The following FCAMR variants were observed in gnomAD, a reference collection of about 807,000 sequenced individuals.
The protein encoded by FCAMR is Fc alpha and mu receptor.
FCAMR carries 51 observed loss-of-function variants against 52.2 expected under a neutral mutation model. That is an observed-to-expected ratio of 0.98 (90% CI 0.78 to 1.23). FCAMR has a LOEUF of 1.23. FCAMR is among the 50% of genes most tolerant of loss of function. FCAMR has a pLI of 0.00. For synonymous variants in FCAMR, 282 were observed against 262.0 expected (o/e 1.08, Z -0.74); for missense variants, 719 against 712.6 (o/e 1.01, Z -0.10).
At chr1:206,958,832 T>G in intron 7 of FCAMR, 156 bp from the exon 8 acceptor site, 1 of 913,542 alleles carries the variant, frequency 1.1e-6, no homozygotes, top group South Asian at 1.5e-5. Context: ...GCCTAGCCCA[T>G]GATAGGGCTT....
chr1:206,961,592 T>G (rs1680510236), intron 5 of FCAMR, among the ~76,000 whole-genome samples: 1 of 152,248 alleles, frequency 6.6e-6, no homozygotes, highest in Non-Finnish European at 1.5e-5. Context: ...AGCAGCCCGT[T>G]GCAGCAGGCG....
intron 5 of FCAMR, 62 bp downstream of exon 5, chr1:206,962,151 C>G (rs370955692): frequency 6.5e-7 from 1 of 1,532,720 alleles, no homozygotes. Context: ...AGGCTTCTCT[C>G]CCACTTTCTC....
chr1:206,964,911 C>T (rs1467976428), intron 4 of FCAMR, among the ~76,000 whole-genome samples: 1 of 152,128 alleles, frequency 6.6e-6, no homozygotes, highest in Non-Finnish European at 1.5e-5. Flanking sequence ...AGCCAAGTAC[C>T]TTCTGAGTAT....
At position 206,962,336 on chromosome 1, in the gene FCAMR, G is replaced by A. The variant is rs1680542061; in HGVS notation, c.529C>T (p.Gln177Ter). 6.2e-7 allele frequency: 1 copy of A among 1,614,224 alleles called. No individual in the cohort carries two copies. Among genetic ancestry groups the A allele is most frequent in the East Asian group, 2.2e-5 (1 of 44,884 alleles). ...AGCCTCACCACAAACAAGCCTCTCT[G>A]TGGAAAGTCTGTGAGGGCCACACGG... ...RDRVALTDFP[Q>*]RGLFVVRLSQ... is the part of the protein sequence containing the mutation. Residue 177 changes from glutamine (Q) to a stop codon, truncating the protein, a stop_gained, in exon 5 of 8, where the codon CAG becomes TAG. Coordinates refer to ENST00000324852, the MANE Select transcript of FCAMR (RefSeq NM_001170631.2). LOFTEE classifies it high-confidence loss of function.
intron 7 of FCAMR, 41 bp from the exon 8 acceptor site, chr1:206,958,717 G>A (rs968857827): frequency 6.2e-7 from 1 of 1,613,148 alleles, no homozygotes; most frequent in Non-Finnish European, 8.5e-7. Context: ...TCTGGGTAAG[G>A]ACAGCACTGA....
intron 1 of FCAMR, 74 bp downstream of exon 1, chr1:206,970,013 G>A: frequency 6.3e-7 from 1 of 1,577,718 alleles, no homozygotes; most frequent in Non-Finnish European, 8.7e-7. Flanking sequence ...GAGCATGTGT[G>A]ACAGCTATGG....
At position 206,958,021 on chromosome 1, in the gene FCAMR, G is replaced by A. The variant is rs1392755772; in HGVS notation, c.*495C>T. 2 of 152,384 alleles carry A rather than the reference G, an allele frequency of 1.3e-5. No individual in the cohort carries two copies. The highest frequency in any genetic ancestry group is 4.8e-5 in the African/African-American group (2 of 41,436). The allele number at this position is 152,384 out of a possible 1,614,324, so 9.4% of individuals were successfully genotyped here. On this transcript the variant is annotated 3_prime_UTR_variant, in exon 8 of 8. Transcript: ENST00000324852. ...CTACTGAGTTGGAAGTTCTCTGGGG[G>A]CATCATGAGACAGATAAAATGCAAT...
chr1:206,970,266 C>G lies in FCAMR; in HGVS notation c.-141G>C. 3 of 893,550 alleles carry G rather than the reference C, an allele frequency of 3.4e-6. No homozygotes were observed. Among genetic ancestry groups the G allele is most frequent in the Non-Finnish European group, 5.2e-6 (3 of 580,078 alleles). The allele number at this position is 893,550 out of a possible 1,614,324, so 55.4% of individuals were successfully genotyped here. ...TTTGGAAAGCAGCTGGAGCTAGCAACGGAAGGTCGGGGTGCAAGGCGTAGC... is the reference window on the plus strand; with the variant it reads ...TTTGGAAAGCAGCTGGAGCTAGCAAGGGAAGGTCGGGGTGCAAGGCGTAGC... On this transcript the variant is annotated 5_prime_UTR_variant, in exon 1 of 8. Transcript: ENST00000324852.
intron 1 of FCAMR, among the ~76,000 whole-genome samples, chr1:206,968,413 T>C (rs1680800448): frequency 6.6e-6 from 1 of 152,250 alleles, no homozygotes; most frequent in Admixed American, 6.5e-5. Context: ...ATGGATGCTT[T>C]TTGATGGATT....
chr1:206,969,553 G>A (rs774996963), intron 1 of FCAMR, among the ~76,000 whole-genome samples: 3 of 152,182 alleles, frequency 2.0e-5, no homozygotes, highest in Non-Finnish European at 4.4e-5. Context: ...GCTGGGAAGG[G>A]CATGCACCTC....
At chr1:206,966,166 T>C (rs1448413913) in intron 3 of FCAMR, among the ~76,000 whole-genome samples, 2 of 152,152 alleles carry the variant, frequency 1.3e-5, no homozygotes, top group East Asian at 1.9e-4. Context: ...TAAATGAAGA[T>C]TAAAGTGCTG....
chr1:206,958,740 A>G (rs764864650), intron 7 of FCAMR, 64 bp from the exon 8 acceptor site: 11 of 1,602,144 alleles, frequency 6.9e-6, no homozygotes, highest in Non-Finnish European at 8.6e-6. Context: ...TTGATTTCCT[A>G]AGAACCACTC....
rs1680553994 is a variant in FCAMR, at chr1:206,962,532, GC to G, written c.332del (p.Gly111AlafsTer73). On this transcript the variant is annotated frameshift_variant, in exon 5 of 8. Coordinates refer to ENST00000324852, the MANE Select transcript of FCAMR (RefSeq NM_001170631.2). LOFTEE classifies it high-confidence loss of function. ...SSFAAPNSLK[G>X]SRLVSGEPGG... ...CAGGCTCCCCTGACACCAGCCTTGA[GC>G]CCTTCAATGAATTTGGAGCTGCAGA... 1.3e-6 allele frequency: 2 copies of G among 1,569,238 alleles called. No homozygotes were observed. Among genetic ancestry groups the G allele is most frequent in the Admixed American group, 1.8e-5 (1 of 55,300 alleles).
At chr1:206,961,369 T>C (rs909853053) in intron 5 of FCAMR, 146 bp from the exon 6 acceptor site, 1 of 643,124 alleles carries the variant, frequency 1.6e-6, no homozygotes, top group Non-Finnish European at 2.6e-6. Context: ...TTGGATAAAA[T>C]AAAAAATAGG....
chr1:206,970,113 C>T lies in FCAMR; in HGVS notation c.13G>A (p.Ala5Thr), dbSNP rs769029341. Residue 5 changes from alanine to threonine, a missense_variant, in exon 1 of 8, where the codon GCC becomes ACC. By Grantham distance (58) the Ala-to-Thr change is moderately conservative. Coordinates refer to ENST00000324852, the MANE Select transcript of FCAMR (RefSeq NM_001170631.2). Reference sequence around the variant, plus strand: ...TTTTGTTCTCCAGGCTTCACTGTGGCCTCTCCATCCATCTCAGTCCAGAAA... The same window carrying T: ...TTTTGTTCTCCAGGCTTCACTGTGGTCTCTCCATCCATCTCAGTCCAGAAA... MDGE[A>T]TVKPGEQKEV... 6.2e-7 allele frequency: 1 copy of T among 1,613,974 alleles called. No homozygotes were observed.
chr1:206,963,638 G>C (rs1347571154), intron 4 of FCAMR, among the ~76,000 whole-genome samples: 3 of 152,220 alleles, frequency 2.0e-5, no homozygotes, highest in East Asian at 1.9e-4. Context: ...CATGGAGGAG[G>C]GGGGCATGGT....
chr1:206,967,107 G>A lies in FCAMR; in HGVS notation c.114C>T (p.Thr38=). 1 of 1,613,834 alleles carries A rather than the reference G, an allele frequency of 6.2e-7. No individual in the cohort carries two copies. The highest frequency in any genetic ancestry group is 1.1e-5 in the South Asian group (1 of 90,972). ...GCATTTTCCATCCCGCCCTCCTGCT[G>A]GTGACCTGCAAAAAACACTCTAAAT... ...IAGTLPQSHV[T]SRRAGWKMPL... Residue 38 remains threonine (T), a synonymous_variant, in exon 3 of 8, where the codon ACC becomes ACT. Transcript: ENST00000324852.
At chr1:206,964,599 G>T in intron 4 of FCAMR, among the ~76,000 whole-genome samples, 1 of 151,684 alleles carries the variant, frequency 6.6e-6, no homozygotes, top group East Asian at 2.0e-4. Flanking sequence ...TGCGCCATGT[G>T]CTGTGCTGCT....
At chr1:206,959,592 C>T in intron 7 of FCAMR, 87 bp downstream of exon 7, 1 of 1,015,648 alleles carries the variant, frequency 9.8e-7, no homozygotes, top group Non-Finnish European at 1.5e-6. Flanking sequence ...TTGAAAAGTC[C>T]TGGCAGGACT....
Sources: allele counts gnomAD v4.1 joint callset (sites outside exome capture counted in the v4.1 genomes callset), GRCh38; gene constraint gnomAD v4.1.1; transcripts MANE v1.5; gene names NCBI Gene and HGNC (gene_info 2026-07-23, HGNC 2026-07-21).